SLC49A4: variants seen among roughly 807,000 people sequenced by gnomAD.
SLC49A4 encodes the protein solute carrier family 49 member 4.
SLC49A4 carries 36 observed loss-of-function variants against 50.6 expected under a neutral mutation model. That is an observed-to-expected ratio of 0.71 (90% CI 0.55 to 0.94). The LOEUF (loss-of-function observed/expected upper bound fraction) is 0.94, where lower values mean the gene tolerates loss of function less well. Among genes scored for constraint, SLC49A4 ranks in the 40% least tolerant of loss-of-function variants. The pLI is 0.00. For missense variants in SLC49A4, 503 were observed against 605.7 expected (o/e 0.83, Z 1.78); for synonymous variants, 248 against 241.2 (o/e 1.03, Z -0.26).
chr3:122,879,843 A>C lies in SLC49A4; in HGVS notation c.*465A>C, dbSNP rs1043080621. The C allele has an allele frequency of 1.3e-5, 2 of 153,664 alleles. No individual in the cohort carries two copies. The highest frequency in any genetic ancestry group is 2.9e-5 in the Non-Finnish European group (2 of 68,816). 9.5% of individuals were successfully genotyped at this position (153,664 alleles called of 1,614,324 possible). A position where few individuals can be genotyped will look rare whatever the true frequency, so the allele number is the denominator to read the frequency against. ...ATCCAATTTTAATGATAAAATAGCC[A>C]AGAGGTATATCGATGATGGAAATTA... On this transcript the variant is annotated 3_prime_UTR_variant, in exon 9 of 9. Coordinates refer to ENST00000261038, the MANE Select transcript of SLC49A4 (RefSeq NM_032839.3).
intron 4 of SLC49A4, among the ~76,000 whole-genome samples, chr3:122,843,866 A>G (rs1052931437): frequency 2.0e-5 from 3 of 151,884 alleles, no homozygotes; most frequent in African/African-American, 7.3e-5. Context: ...TATCTGGACA[A>G]CTCTCATTTT....
intron 1 of SLC49A4, among the ~76,000 whole-genome samples, chr3:122,800,522 T>C (rs931854063): frequency 6.6e-6 from 1 of 152,126 alleles, no homozygotes; most frequent in African/African-American, 2.4e-5. Context: ...TTTTTTTTGG[T>C]AAGAGATATT....
chr3:122,817,283 A>G (rs1228589105), intron 2 of SLC49A4, among the ~76,000 whole-genome samples: 1 of 152,160 alleles, frequency 6.6e-6, no homozygotes, highest in East Asian at 1.9e-4. Flanking sequence ...CTGCCTTTGA[A>G]AACAGAGGAA....
intron 1 of SLC49A4, 138 bp downstream of exon 1, chr3:122,795,673 A>G (rs1466676144): frequency 1.4e-6 from 2 of 1,401,116 alleles, no homozygotes; most frequent in African/African-American, 1.5e-5. Context: ...CTAGCATTCC[A>G]TTTCTGACTT....
chr3:122,866,492 C>T (rs189827800), intron 7 of SLC49A4, among the ~76,000 whole-genome samples: 2 of 152,234 alleles, frequency 1.3e-5, no homozygotes, highest in Admixed American at 1.3e-4. Flanking sequence ...TATATGTTCA[C>T]CTGTCTACAA....
chr3:122,844,910 A>G (rs569849724), intron 4 of SLC49A4, among the ~76,000 whole-genome samples: 1 of 152,254 alleles, frequency 6.6e-6, no homozygotes, highest in East Asian at 1.9e-4. Flanking sequence ...CACATATTGT[A>G]CATATATGTG....
chr3:122,833,206 A>G, intron 3 of SLC49A4, 111 bp from the exon 4 acceptor site: 2 of 1,088,200 alleles, frequency 1.8e-6, no homozygotes, highest in Admixed American at 1.9e-5. Context: ...ATGCCACTGC[A>G]TTCCAGCCTG....
intron 2 of SLC49A4, among the ~76,000 whole-genome samples, chr3:122,820,179 ATTT>A (rs1170262717): frequency 2.0e-5 from 3 of 152,004 alleles, no homozygotes; most frequent in Admixed American, 6.6e-5. Flanking sequence ...ACAATCAGTA[ATTT>A]TTTTTATTAT....
chr3:122,840,690 A>G (rs1936758768), intron 4 of SLC49A4, among the ~76,000 whole-genome samples: 2 of 152,150 alleles, frequency 1.3e-5, no homozygotes, highest in African/African-American at 4.8e-5. Flanking sequence ...TGGACATTAA[A>G]TTTTTACTGG....
intron 7 of SLC49A4, among the ~76,000 whole-genome samples, chr3:122,865,464 CT>C (rs199747057): frequency 2.6e-5 from 4 of 151,266 alleles, no homozygotes; most frequent in Non-Finnish European, 1.5e-5. Flanking sequence ...ACAGCAGTCA[CT>C]TTTTTTTTAG....
At chr3:122,851,840 T>A (rs1386175130) in intron 5 of SLC49A4, among the ~76,000 whole-genome samples, 1 of 152,170 alleles carries the variant, frequency 6.6e-6, no homozygotes, top group Non-Finnish European at 1.5e-5. Flanking sequence ...CACTTTTTTT[T>A]GTTATGACAT....
At chr3:122,841,328 G>A (rs1936766211) in intron 4 of SLC49A4, among the ~76,000 whole-genome samples, 1 of 152,036 alleles carries the variant, frequency 6.6e-6, no homozygotes, top group Non-Finnish European at 1.5e-5. Flanking sequence ...CTTCTCTTTT[G>A]GTCTCTTCTT....
Position 122,879,673 on chromosome 3 carries a change from G to C in SLC49A4, c.*295G>C, listed in dbSNP as rs1475638613. ...GCACTACCTAAGTAATTCTCTCTCT[G>C]TTTTGTGCCAGTGCTAAACTACTGA... On this transcript the variant is annotated 3_prime_UTR_variant, in exon 9 of 9. Coordinates refer to ENST00000261038, the MANE Select transcript of SLC49A4 (RefSeq NM_032839.3). The C allele has an allele frequency of 1.7e-5, 4 of 230,416 alleles. No homozygotes were observed. Among genetic ancestry groups the C allele is most frequent in the Admixed American group, 5.4e-5 (1 of 18,442 alleles). The allele number at this position is 230,416 out of a possible 1,614,324, so 14.3% of individuals were successfully genotyped here. A position where few individuals can be genotyped will look rare whatever the true frequency, so the allele number is the denominator to read the frequency against.
chr3:122,864,942 G>T (rs1937097457), intron 7 of SLC49A4, among the ~76,000 whole-genome samples: 2 of 152,182 alleles, frequency 1.3e-5, no homozygotes, highest in African/African-American at 2.4e-5. Context: ...GAGCCTGGAA[G>T]TTCGAGGCTG....
At chr3:122,811,812 G>A (rs1576292623) in intron 2 of SLC49A4, among the ~76,000 whole-genome samples, 1 of 152,094 alleles carries the variant, frequency 6.6e-6, no homozygotes, top group Non-Finnish European at 1.5e-5. Context: ...AGAATATTAT[G>A]TTTAGTATGT....
intron 3 of SLC49A4, among the ~76,000 whole-genome samples, chr3:122,828,492 G>A (rs376642446): frequency 2.6e-5 from 4 of 152,206 alleles, no homozygotes; most frequent in Admixed American, 2.0e-4. Context: ...ACCCTGGTAC[G>A]TTCAAGCCCA....
chr3:122,869,854 GC>G (rs1937171629), intron 7 of SLC49A4, among the ~76,000 whole-genome samples: 1 of 152,164 alleles, frequency 6.6e-6, no homozygotes, highest in Admixed American at 6.5e-5. Context: ...TTTTCAGACA[GC>G]CCGCTGCTTC....
intron 8 of SLC49A4, among the ~76,000 whole-genome samples, chr3:122,876,736 G>A (rs901396192): frequency 6.6e-6 from 1 of 152,106 alleles, no homozygotes; most frequent in Non-Finnish European, 1.5e-5. Context: ...AGGGAAAGAT[G>A]AGGTGAAAAG....
rs1937310395 is a variant in SLC49A4, at chr3:122,879,739, A to G, written c.*361A>G. 6.1e-6 allele frequency: 1 copy of G among 163,450 alleles called. No homozygotes were observed. Among genetic ancestry groups the G allele is most frequent in the Non-Finnish European group, 1.3e-5 (1 of 75,410 alleles). 10.1% of individuals were successfully genotyped at this position (163,450 alleles called of 1,614,324 possible). A position where few individuals can be genotyped will look rare whatever the true frequency, so the allele number is the denominator to read the frequency against. ...AAAAGAAATAAAGGGTGTCTATCAT[A>G]TGAAGATAACGCCTTCCCTAAGTCA... is the stretch of plus-strand genomic sequence containing the variant. On this transcript the variant is annotated 3_prime_UTR_variant, in exon 9 of 9. Coordinates refer to ENST00000261038, the MANE Select transcript of SLC49A4 (RefSeq NM_032839.3).
Sources: allele counts gnomAD v4.1 joint callset (sites outside exome capture counted in the v4.1 genomes callset), GRCh38; gene constraint gnomAD v4.1.1; transcripts MANE v1.5; gene names NCBI Gene and HGNC (gene_info 2026-07-23, HGNC 2026-07-21).